The following IQCH variants were observed in gnomAD, a reference collection of about 807,000 sequenced individuals.
IQCH encodes the protein IQ domain-containing protein H.
A neutral mutation model predicts 117.0 loss-of-function variants in IQCH; 98 were observed. The ratio of observed to expected loss-of-function variants is 0.84; its 90% CI spans 0.71 to 0.99. IQCH has a LOEUF of 0.99. Ranked by LOEUF, IQCH falls within the 50% of genes least tolerant of loss-of-function variation. The pLI is 0.00. For synonymous variants in IQCH, 412 were observed against 448.2 expected (o/e 0.92, Z 1.02); for missense variants, 1,102 against 1,243.8 (o/e 0.89, Z 1.72).
chr15:67,262,268 GA>G (rs928320330), intron 2 of IQCH, among the ~76,000 whole-genome samples: 62 of 152,312 alleles, frequency 4.1e-4, no homozygotes, highest in African/African-American at 1.5e-3. Flanking sequence ...TAAGGTCGGG[GA>G]GAATCCAGTC....
chr15:67,343,795 T>C (rs1192849751), intron 5 of IQCH, among the ~76,000 whole-genome samples: 2 of 152,214 alleles, frequency 1.3e-5, no homozygotes, highest in Non-Finnish European at 2.9e-5. Flanking sequence ...TGCCTTGAAA[T>C]TATATTTCCA....
chr15:67,338,231 C>CTATT (rs1968984212), intron 5 of IQCH, among the ~76,000 whole-genome samples: 1 of 142,990 alleles, frequency 7.0e-6, no homozygotes, highest in Admixed American at 7.3e-5. Context: ...ATCTATCTAT[C>CTATT]TATCTATCTA....
Position 67,403,668 on chromosome 15 carries a change from C to T in IQCH, c.2097+3363C>T, listed in dbSNP as rs567943987. On this transcript the variant is annotated intron_variant, in intron 14 of 20. Coordinates refer to ENST00000335894, the MANE Select transcript of IQCH (RefSeq NM_001031715.3). The surrounding 1 kb of genome is among the most constrained non-coding windows in gnomAD (Gnocchi z 4.8). ...TATTTTCATTTAGGAGGAATAAAGG[C>T]TTAAACAAAGGAAGGCAAACATGTA... 2.6e-5 allele frequency: 4 copies of T among 152,348 alleles called. No individual in the cohort carries two copies. The East Asian group carries it at 5.8e-4, about 22-fold the overall frequency. 9.4% of individuals were successfully genotyped at this position (152,348 alleles called of 1,614,324 possible). A position where few individuals can be genotyped will look rare whatever the true frequency, so the allele number is the denominator to read the frequency against.
In IQCH at chr15:67,405,836, T is replaced by C. The variant is rs1011936056; in HGVS notation, c.2097+5531T>C. 1.3e-5 allele frequency: 2 copies of C among 152,242 alleles called. No individual in the cohort carries two copies. The highest frequency in any genetic ancestry group is 4.8e-5 in the African/African-American group (2 of 41,454). The allele number at this position is 152,242 out of a possible 1,614,324, so 9.4% of individuals were successfully genotyped here. On this transcript the variant is annotated intron_variant, in intron 14 of 20. Transcript: ENST00000335894. This position sits in a 1 kb window ranked among gnomAD's most constrained non-coding sequence, Gnocchi z 4.8. ...CAGAGATTTGTGGGAAACGCAAATA[T>C]TCCTGGAACACAGAGGCCACTGCTC...
At chr15:67,301,054 A>C (rs1005871341) in intron 4 of IQCH, among the ~76,000 whole-genome samples, 6 of 152,184 alleles carry the variant, frequency 3.9e-5, no homozygotes, top group African/African-American at 1.4e-4. Flanking sequence ...ATCAAAAGGA[A>C]AGAATACAAA....
chr15:67,277,754 C>T (rs542217061), intron 3 of IQCH, among the ~76,000 whole-genome samples: 98 of 152,030 alleles, frequency 6.4e-4, no homozygotes, highest in African/African-American at 2.2e-3. Flanking sequence ...AGGATGGTCT[C>T]GATCTCCTGA....
At chr15:67,347,673 A>G (rs1258997825) in intron 6 of IQCH, among the ~76,000 whole-genome samples, 5 of 151,452 alleles carry the variant, frequency 3.3e-5, no homozygotes, top group Admixed American at 2.6e-4. Flanking sequence ...AGATAATTTT[A>G]TGAAGCTATC....
In IQCH at chr15:67,357,355, T is replaced by C. The variant is rs936867932; in HGVS notation, c.648T>C (p.Thr216=). 9 of 1,607,682 alleles carry C rather than the reference T, an allele frequency of 5.6e-6. No homozygotes were observed. The highest frequency in any genetic ancestry group is 6.8e-6 in the Non-Finnish European group (8 of 1,174,158). Reference sequence around the variant, plus strand: ...TATCTTCATCCACAGCCACTTTCACTATACCTCGGGAACCACCTCCATCTC... The same window carrying C: ...TATCTTCATCCACAGCCACTTTCACCATACCTCGGGAACCACCTCCATCTC... ...ARKIPTVATF[T]IPREPPPSPA... The change falls in exon 7 of 21, where the codon ACT becomes ACC. Residue 216 remains threonine (T), a synonymous_variant. Coordinates refer to ENST00000335894, the MANE Select transcript of IQCH (RefSeq NM_001031715.3).
intron 4 of IQCH, chr15:67,306,870 T>A (rs770506141): frequency 5.9e-6 from 9 of 1,528,578 alleles, no homozygotes; most frequent in Non-Finnish European, 7.9e-6. Context: ...TCCCTGGTAC[T>A]GTTCATGTTC....
rs191505458 is a variant in IQCH at position 67,364,962 on chromosome 15, A to T, written c.753+5077A>T. On this transcript the variant is annotated intron_variant, in intron 8 of 20. Transcript: ENST00000335894. The surrounding 1 kb of genome is among the most constrained non-coding windows in gnomAD (Gnocchi z 4.1). Reference sequence around the variant, plus strand: ...TAATTGTTTTTGTTCTTGTTTTGAGATGCGGTCTCTCTCTGTCACCTAGTC... The same window carrying T: ...TAATTGTTTTTGTTCTTGTTTTGAGTTGCGGTCTCTCTCTGTCACCTAGTC... 1.3e-5 allele frequency among the ~76,000 whole-genome samples: 2 copies of T among 152,262 alleles called. No individual in the cohort carries two copies. The highest frequency in any genetic ancestry group is 2.9e-5 in the Non-Finnish European group (2 of 68,026).
At chr15:67,418,417 A>T (rs1175274088) in intron 15 of IQCH, among the ~76,000 whole-genome samples, 1 of 151,444 alleles carries the variant, frequency 6.6e-6, no homozygotes, top group Admixed American at 6.6e-5. Context: ...TTTCAACTCT[A>T]AAATTTTGTG....
intron 18 of IQCH, among the ~76,000 whole-genome samples, chr15:67,489,413 C>A (rs2083585829): frequency 6.6e-6 from 1 of 152,054 alleles, no homozygotes; most frequent in Admixed American, 6.5e-5. Flanking sequence ...GAAACCTCTG[C>A]CTCCCAGGTT....
intron 13 of IQCH, among the ~76,000 whole-genome samples, 172 bp from the exon 14 acceptor site, chr15:67,399,942 T>A (rs866514076): frequency 7.2e-5 from 11 of 152,260 alleles, no homozygotes; most frequent in African/African-American, 2.7e-4. Context: ...CTTCGCATCA[T>A]ATTTATATCA....
rs763639911 is a variant in IQCH, at chr15:67,388,964, C to G, written c.1590C>G (p.Asp530Glu). 6.2e-7 allele frequency: 1 copy of G among 1,613,984 alleles called. No homozygotes were observed. The highest frequency in any genetic ancestry group is 1.7e-5 in the Admixed American group (1 of 60,014). ...GNLEDRSDLQ[D>E]RFKIITPEAV... is the part of the protein sequence containing the mutation. ...TTGAGGACAGAAGTGACCTGCAGGA[C>G]AGGTTCAAAATTATCACACCTGAAG... The change falls in exon 12 of 21, where the codon GAC (aspartate) becomes GAG (glutamate). Residue 530 changes from aspartate (D) to glutamate (E), a missense_variant. Coordinates refer to ENST00000335894, the MANE Select transcript of IQCH (RefSeq NM_001031715.3). The surrounding 1 kb of genome is among the most constrained non-coding windows in gnomAD (Gnocchi z 5.5).
chr15:67,439,320 C>G (rs1332985092), intron 16 of IQCH, among the ~76,000 whole-genome samples: 1 of 152,106 alleles, frequency 6.6e-6, no homozygotes, highest in East Asian at 1.9e-4. Context: ...TGGGTCAAAA[C>G]AAAATCAAGA....
intron 12 of IQCH, among the ~76,000 whole-genome samples, chr15:67,392,640 G>C (rs1409888861): frequency 6.6e-6 from 1 of 151,982 alleles, no homozygotes; most frequent in Non-Finnish European, 1.5e-5. Flanking sequence ...AGCTGGGCAT[G>C]GTGGCATGCA....
intron 18 of IQCH, among the ~76,000 whole-genome samples, chr15:67,485,219 A>C (rs2083443352): frequency 6.6e-6 from 1 of 152,228 alleles, no homozygotes; most frequent in South Asian, 2.1e-4. Flanking sequence ...ATGTCACCAA[A>C]GACCTAGAAT....
rs1047736499 is a variant in IQCH at position 67,499,616 on chromosome 15, T to G, written c.2971-1017T>G. Among the ~76,000 whole-genome samples, 5 of 152,084 alleles carry G rather than the reference T, an allele frequency of 3.3e-5. No homozygotes were observed. In the East Asian group the frequency reaches 9.6e-4, roughly 29 times the overall value. ...CCATTTCTAGGTATATGTCTAAGTA[T>G]ATTGAAAACATGTTCACACAAAAAT... On this transcript the variant is annotated intron_variant, in intron 20 of 20. Coordinates refer to ENST00000335894, the MANE Select transcript of IQCH (RefSeq NM_001031715.3).
chr15:67,470,776 G>C (rs542532963), intron 17 of IQCH, among the ~76,000 whole-genome samples: 1 of 151,876 alleles, frequency 6.6e-6, no homozygotes, highest in African/African-American at 2.4e-5. Flanking sequence ...GTCACACATG[G>C]ACAAACCTCC....
Sources: allele counts gnomAD v4.1 joint callset (sites outside exome capture counted in the v4.1 genomes callset), GRCh38; gene constraint gnomAD v4.1.1; non-coding constraint Gnocchi (gnomAD v3.1); transcripts MANE v1.5; gene names NCBI Gene and HGNC (gene_info 2026-07-23, HGNC 2026-07-21).